The following CNTNAP5 variants were observed in gnomAD, a reference collection of about 807,000 sequenced individuals.
CNTNAP5 encodes the protein contactin associated protein family member 5.
Under a neutral mutation model 150.2 loss-of-function variants are expected in CNTNAP5, and 72 were observed. The observed-to-expected ratio is 0.48, with a 90% CI of 0.40 to 0.58. The LOEUF (loss-of-function observed/expected upper bound fraction) is 0.58. CNTNAP5 is among the 20% of genes least tolerant of loss of function. CNTNAP5 has a pLI of 0.00. For synonymous variants in CNTNAP5, 672 were observed against 619.8 expected, an observed-to-expected ratio of 1.08 and a Z score of -1.25; for missense variants, 1,636 against 1,626.2, an observed-to-expected ratio of 1.01 and a Z score of -0.10.
chr2:124,314,831 G>A (rs897222583), intron 3 of CNTNAP5, among the ~76,000 whole-genome samples: 1 of 151,996 alleles, frequency 6.6e-6, no homozygotes, highest in South Asian at 2.1e-4. Context: ...TTTATATTAT[G>A]AGCATGTTCT....
chr2:124,139,026 T>C (rs1237751111), intron 1 of CNTNAP5, among the ~76,000 whole-genome samples: 2 of 151,236 alleles, frequency 1.3e-5, no homozygotes, highest in Non-Finnish European at 2.9e-5. Context: ...CTACAGGAGG[T>C]TCCCTTCCAC....
intron 1 of CNTNAP5, among the ~76,000 whole-genome samples, chr2:124,104,002 T>G (rs1683119622): frequency 6.8e-6 from 1 of 147,800 alleles, no homozygotes; most frequent in African/African-American, 2.5e-5. Flanking sequence ...GCATATGAAT[T>G]ATATATTTAT....
intron 13 of CNTNAP5, among the ~76,000 whole-genome samples, chr2:124,695,773 G>A (rs1679393178): frequency 6.6e-6 from 1 of 152,148 alleles, no homozygotes; most frequent in Admixed American, 6.6e-5. Context: ...CCATTGCCCA[G>A]GCTGTCCTCA....
chr2:124,654,151 G>T (rs1244625815), intron 13 of CNTNAP5, among the ~76,000 whole-genome samples: 1 of 152,160 alleles, frequency 6.6e-6, no homozygotes, highest in Non-Finnish European at 1.5e-5. Context: ...AAAGGCCAGT[G>T]TGGCTAGAGG....
In CNTNAP5 at chr2:124,509,406, T is replaced by C. The variant is rs1270049607; in HGVS notation, c.1327+4850T>C. Among the ~76,000 whole-genome samples, 3 of 152,192 alleles carry C rather than the reference T, an allele frequency of 2.0e-5. No individual in the cohort carries two copies. The East Asian group carries it at 5.8e-4, about 29-fold the overall frequency. On this transcript the variant is annotated intron_variant, in intron 8 of 23. Coordinates refer to ENST00000682447, the MANE Select transcript of CNTNAP5 (RefSeq NM_001367498.1). ...TTTTTGCAAGCCTTATGTATGTATG[T>C]ATGAGGAAAGGTAGAAGACCTCATT...
intron 11 of CNTNAP5, among the ~76,000 whole-genome samples, chr2:124,592,547 A>G (rs974926602): frequency 2.6e-5 from 4 of 151,754 alleles, no homozygotes; most frequent in Admixed American, 2.0e-4. Flanking sequence ...ATAGGAAAAA[A>G]AAATGCTAAA....
At chr2:124,655,945 G>GAAAGAAAGAAAGAAAGAAAGAA (rs1553427799) in intron 13 of CNTNAP5, among the ~76,000 whole-genome samples, 21 of 55,514 alleles carry the variant, frequency 3.8e-4, no homozygotes, top group African/African-American at 7.5e-4. Flanking sequence ...GAGAGAGAGA[G>GAAAGAAAGAAAGAAAGAAAGAA]AGAAAGAAAG....
chr2:124,775,403 C>T (rs903389844), intron 17 of CNTNAP5, among the ~76,000 whole-genome samples: 4 of 152,110 alleles, frequency 2.6e-5, no homozygotes, highest in Non-Finnish European at 5.9e-5. Context: ...TGCTTCTTTA[C>T]TGGAATAGAT....
At chr2:124,276,429 C>T (rs1687884785) in intron 3 of CNTNAP5, among the ~76,000 whole-genome samples, 1 of 152,180 alleles carries the variant, frequency 6.6e-6, no homozygotes, top group African/African-American at 2.4e-5. Context: ...AGTGGAACAG[C>T]TTCTCCTAGT....
intron 1 of CNTNAP5, among the ~76,000 whole-genome samples, chr2:124,189,924 C>G (rs944278271): frequency 4.6e-5 from 7 of 152,184 alleles, no homozygotes; most frequent in African/African-American, 1.7e-4. Flanking sequence ...CCTTCATATG[C>G]CTGGCCTTTT....
chr2:124,789,641 T>C (rs973929275), intron 17 of CNTNAP5, among the ~76,000 whole-genome samples: 4 of 152,176 alleles, frequency 2.6e-5, no homozygotes, highest in African/African-American at 9.7e-5. Flanking sequence ...CACTTATAAA[T>C]GAGAATATGG....
intron 1 of CNTNAP5, among the ~76,000 whole-genome samples, chr2:124,113,976 C>A (rs1272377546): frequency 6.6e-6 from 1 of 151,898 alleles, no homozygotes; most frequent in Admixed American, 6.6e-5. Flanking sequence ...TCCCCCTGAT[C>A]TATTTGCCTA....
chr2:124,213,073 C>T (rs183096288), intron 1 of CNTNAP5, among the ~76,000 whole-genome samples: 62 of 152,048 alleles, frequency 4.1e-4, no homozygotes, highest in African/African-American at 1.4e-3. Context: ...CTCCCAACCT[C>T]GTGATCCGCC....
At chr2:124,129,181 C>T (rs541666492) in intron 1 of CNTNAP5, among the ~76,000 whole-genome samples, 1 of 151,992 alleles carries the variant, frequency 6.6e-6, no homozygotes, top group East Asian at 1.9e-4. Flanking sequence ...TTGCATCATA[C>T]ATTTGTACCT....
At chr2:124,441,568 A>T (rs1304060444) in intron 5 of CNTNAP5, among the ~76,000 whole-genome samples, 3 of 152,030 alleles carry the variant, frequency 2.0e-5, no homozygotes, top group Non-Finnish European at 4.4e-5. Context: ...TAATTTTATC[A>T]AAAAGGGCAG....
At chr2:124,841,873 C>G (rs760920205) in intron 19 of CNTNAP5, among the ~76,000 whole-genome samples, 1 of 152,018 alleles carries the variant, frequency 6.6e-6, no homozygotes, top group Non-Finnish European at 1.5e-5. Flanking sequence ...TTTCAACCAA[C>G]CAGGTAACAA....
chr2:124,771,470 C>G (rs976292899), intron 16 of CNTNAP5, among the ~76,000 whole-genome samples: 3 of 152,166 alleles, frequency 2.0e-5, no homozygotes, highest in Non-Finnish European at 4.4e-5. Context: ...AAGACACTTG[C>G]AGCAAATTAT....
intron 11 of CNTNAP5, among the ~76,000 whole-genome samples, chr2:124,600,731 C>CAGAGAGAG (rs374118230): frequency 1.6e-3 from 200 of 124,122 alleles, no homozygotes; most frequent in Middle Eastern, 4.1e-3. Context: ...CAACAATACT[C>CAGAGAGAG]AGAGAGAGAG....
chr2:124,693,374 T>A (rs1462395088), intron 13 of CNTNAP5, among the ~76,000 whole-genome samples: 3 of 152,166 alleles, frequency 2.0e-5, no homozygotes, highest in African/African-American at 7.2e-5. Flanking sequence ...AATCACCATT[T>A]GTTTGGGAAC....
Sources: allele counts gnomAD v4.1 joint callset (sites outside exome capture counted in the v4.1 genomes callset), GRCh38; gene constraint gnomAD v4.1.1; transcripts MANE v1.5; gene names NCBI Gene and HGNC (gene_info 2026-07-23, HGNC 2026-07-21).